PKNOX2: variants seen among roughly 807,000 people sequenced by gnomAD.
The protein encoded by PKNOX2 is homeobox protein PKNOX2.
A neutral mutation model predicts 53.1 loss-of-function variants in PKNOX2; 14 were observed. The observed-to-expected ratio is 0.26, with a 90% CI of 0.17 to 0.41. The LOEUF is 0.41. PKNOX2 is among the 10% of genes least tolerant of loss of function. PKNOX2 has a pLI of 1.00. For missense variants in PKNOX2, 496 were observed against 602.8 expected, an observed-to-expected ratio of 0.82 and a Z score of 1.85; for synonymous variants, 257 against 242.8, an observed-to-expected ratio of 1.06 and a Z score of -0.54.
intron 6 of PKNOX2, among the ~76,000 whole-genome samples, chr11:125,390,916 T>C (rs1954013300): frequency 6.6e-6 from 1 of 152,240 alleles, no homozygotes; most frequent in Admixed American, 6.5e-5. Flanking sequence ...TCACCTTTTT[T>C]TCATGTCCCA....
intron 1 of PKNOX2, among the ~76,000 whole-genome samples, chr11:125,181,852 C>T (rs962030017): frequency 1.3e-5 from 2 of 152,172 alleles, no homozygotes; most frequent in African/African-American, 4.8e-5. Flanking sequence ...CATTTCATGG[C>T]TCAGTGTTTT....
intron 1 of PKNOX2, among the ~76,000 whole-genome samples, chr11:125,188,522 T>C (rs907765531): frequency 9.9e-5 from 15 of 152,190 alleles, no homozygotes; most frequent in South Asian, 8.3e-4. Context: ...TGTTAACAGA[T>C]GAGTCTGAGA....
At chr11:125,309,387 A>ATT (rs67761552) in intron 2 of PKNOX2, among the ~76,000 whole-genome samples, 137 of 135,244 alleles carry the variant, frequency 1.0e-3, no homozygotes, top group Admixed American at 2.0e-3. Flanking sequence ...AACAGTACCA[A>ATT]TTTTTTTTTT....
intron 6 of PKNOX2, among the ~76,000 whole-genome samples, chr11:125,388,822 C>T (rs1205185996): frequency 6.6e-6 from 1 of 152,168 alleles, no homozygotes; most frequent in Non-Finnish European, 1.5e-5. Flanking sequence ...CAGTGGGAAC[C>T]TCCCTCCCTC....
At chr11:125,256,232 GAC>G (rs1471967781) in intron 2 of PKNOX2, among the ~76,000 whole-genome samples, 2 of 152,012 alleles carry the variant, frequency 1.3e-5, no homozygotes, top group South Asian at 2.1e-4. Flanking sequence ...GAAGACCCAA[GAC>G]ACAGTTTCCA....
chr11:125,256,038 G>GT (rs1944383086), intron 2 of PKNOX2, among the ~76,000 whole-genome samples: 1 of 151,964 alleles, frequency 6.6e-6, no homozygotes, highest in Admixed American at 6.6e-5. Context: ...ATGCTCCTCG[G>GT]CCCTGAGTTC....
chr11:125,256,639 T>G (rs974574920), intron 2 of PKNOX2, among the ~76,000 whole-genome samples: 1 of 152,174 alleles, frequency 6.6e-6, no homozygotes, highest in Admixed American at 6.5e-5. Flanking sequence ...CCAGTCCTCA[T>G]CCTTGAGCCC....
chr11:125,276,278 A>G (rs10400210), intron 2 of PKNOX2, among the ~76,000 whole-genome samples: 16,101 of 152,196 alleles, frequency 0.11, 2,723 homozygotes, highest in African/African-American at 0.35. Flanking sequence ...GAGACAGTGA[A>G]TACAGATGAC....
intron 8 of PKNOX2, 79 bp from the exon 9 acceptor site, chr11:125,410,700 A>C: frequency 8.9e-7 from 1 of 1,127,058 alleles, no homozygotes; most frequent in Non-Finnish European, 1.3e-6. Context: ...CATGAGTGCC[A>C]AATGAACTGG....
intron 5 of PKNOX2, among the ~76,000 whole-genome samples, chr11:125,382,271 G>A (rs1416902998): frequency 6.6e-6 from 1 of 152,218 alleles, no homozygotes; most frequent in Non-Finnish European, 1.5e-5. Flanking sequence ...CACAACACTT[G>A]TTCTCATTGA....
chr11:125,336,738 T>C (rs992467192), intron 3 of PKNOX2, among the ~76,000 whole-genome samples: 8 of 147,228 alleles, frequency 5.4e-5, no homozygotes, highest in African/African-American at 1.7e-4. Context: ...CATAATACTG[T>C]ATACTACATG....
chr11:125,416,302 C>CAAAAAAAAA (rs61354494), intron 10 of PKNOX2, among the ~76,000 whole-genome samples: 2 of 70,458 alleles, frequency 2.8e-5, no homozygotes, highest in African/African-American at 6.0e-5. Context: ...GACGCCGTCT[C>CAAAAAAAAA]AAAAAAAAAA....
rs141098233 is a variant in PKNOX2, at chr11:125,308,345, C to T, written c.-129-23474C>T. On this transcript the variant is annotated intron_variant, in intron 2 of 12. Transcript: ENST00000298282. The stretch of plus-strand genomic sequence containing the variant: ...GGAACCACCCCCAAGAATGGCAGCA[C>T]CCCCAACCCTAGGGCTTTCCTTTCC... Among the ~76,000 whole-genome samples the T allele has an allele frequency of 5.5e-3, 833 of 152,282 alleles. 15 individuals carry two copies. The highest frequency in any genetic ancestry group is 0.019 in the African/African-American group (774 of 41,552).
intron 11 of PKNOX2, 130 bp downstream of exon 11, chr11:125,429,218 T>C: frequency 1.2e-6 from 1 of 868,702 alleles, no homozygotes; most frequent in Non-Finnish European, 1.8e-6. Flanking sequence ...ACCATGCCAG[T>C]CCCCCCATTT....
At chr11:125,272,714 C>T (rs1406602109) in intron 2 of PKNOX2, among the ~76,000 whole-genome samples, 2 of 152,182 alleles carry the variant, frequency 1.3e-5, no homozygotes, top group African/African-American at 4.8e-5. Context: ...GAACAGCCGC[C>T]TTCTTTGTGG....
chr11:125,340,754 T>C (rs546458476), intron 3 of PKNOX2, among the ~76,000 whole-genome samples: 1 of 152,302 alleles, frequency 6.6e-6, no homozygotes, highest in Non-Finnish European at 1.5e-5. Flanking sequence ...TTGTTTTACA[T>C]TTTAAGAGCA....
At chr11:125,173,675 A>G (rs1020165457) in intron 1 of PKNOX2, among the ~76,000 whole-genome samples, 1 of 152,226 alleles carries the variant, frequency 6.6e-6, no homozygotes, top group African/African-American at 2.4e-5. Flanking sequence ...ACTAAGAGGC[A>G]GAGGTAGATT....
At chr11:125,411,674 C>T (rs1955559634) in intron 9 of PKNOX2, 72 bp from the exon 10 acceptor site, 1 of 1,610,658 alleles carries the variant, frequency 6.2e-7, no homozygotes, top group East Asian at 2.2e-5. Context: ...CCTGCCGTCG[C>T]TATGGCAACA....
At chr11:125,277,330 A>AT (rs1946239279) in intron 2 of PKNOX2, among the ~76,000 whole-genome samples, 1 of 152,222 alleles carries the variant, frequency 6.6e-6, no homozygotes, top group Admixed American at 6.5e-5. Flanking sequence ...ATCTTCATGG[A>AT]TTTTGGAGTC....
Sources: gnomAD v4.1 joint callset for allele counts (sites outside exome capture counted in the v4.1 genomes callset) on GRCh38, gnomAD v4.1.1 for gene constraint, MANE v1.5 for transcripts, NCBI Gene and HGNC (gene_info 2026-07-23, HGNC 2026-07-21) for gene names.